Variants in RPS20 observed in about 807,000 individuals in gnomAD.
The protein encoded by RPS20 is ribosomal protein S20, also known as small ribosomal subunit protein uS10.
Under a neutral mutation model 15.3 loss-of-function variants are expected in RPS20, and 3 were observed. The ratio of observed to expected loss-of-function variants is 0.20; its 90% CI spans 0.09 to 0.51. The LOEUF (loss-of-function observed/expected upper bound fraction) is 0.51, where lower values mean the gene tolerates loss of function less well. RPS20 is among the 20% of genes least tolerant of loss of function. The pLI, the probability that RPS20 is intolerant of heterozygous loss-of-function variation, is 0.96. For synonymous variants in RPS20, 62 were observed against 47.8 expected, an observed-to-expected ratio of 1.30 and a Z score of -1.23; for missense variants, 67 against 145.9, an observed-to-expected ratio of 0.46 and a Z score of 2.79.
chr8:56,070,365 T>G (rs1340614410), downstream of RPS20, among the ~76,000 whole-genome samples: 1 of 152,188 alleles, frequency 6.6e-6, no homozygotes, highest in Non-Finnish European at 1.5e-5. Flanking sequence ...GGCTAGAGAT[T>G]CTACTTCTGT....
intron 2 of RPS20, 130 bp from the exon 3 acceptor site, chr8:56,073,898 G>T: frequency 1.8e-6 from 2 of 1,085,696 alleles, no homozygotes; most frequent in South Asian, 1.2e-5. Context: ...CCTCCTCATC[G>T]CCAGCTGTAT....
downstream of RPS20, among the ~76,000 whole-genome samples, chr8:56,071,162 T>A (rs1328611579): frequency 1.7e-4 from 26 of 152,378 alleles, no homozygotes; most frequent in Non-Finnish European, 1.5e-5. Flanking sequence ...TGTTCACAAT[T>A]CCGTGAAAGC....
intron 1 of RPS20, 75 bp from the exon 2 acceptor site, chr8:56,074,234 A>T: frequency 6.5e-7 from 1 of 1,538,620 alleles, no homozygotes; most frequent in Non-Finnish European, 8.9e-7. Flanking sequence ...AGCTTCCGGA[A>T]GCTTCCCGCG....
chr8:56,072,406 ACCAGGCTTG>A (rs1809789606), downstream of RPS20, among the ~76,000 whole-genome samples: 1 of 151,660 alleles, frequency 6.6e-6, no homozygotes, highest in African/African-American at 2.4e-5. Flanking sequence ...TAAAAAATTA[ACCAGGCTTG>A]GTCGCAGGCA....
chr8:56,072,547 G>GT (rs1185558741), downstream of RPS20, among the ~76,000 whole-genome samples: 2 of 135,194 alleles, frequency 1.5e-5, no homozygotes, highest in African/African-American at 3.0e-5. Flanking sequence ...GCAAAACGCC[G>GT]TCCCCCCCCC....
chr8:56,069,210 T>C (rs1031731833), downstream of RPS20, among the ~76,000 whole-genome samples: 1 of 152,084 alleles, frequency 6.6e-6, no homozygotes, highest in African/African-American at 2.4e-5. Context: ...TTAAAGGAAA[T>C]AAGGATTGAT....
exon 6 of RPS20, chr8:56,067,685 GA>G (rs374091971): frequency 0.29 from 39,412 of 136,256 alleles, 5,502 homozygotes; most frequent in Middle Eastern, 0.37. Flanking sequence ...GACTCCGTCT[GA>G]AAAAAAAAAA....
chr8:56,073,579 T>C (rs1323496074), intron 3 of RPS20, 116 bp downstream of exon 3: 2 of 821,904 alleles, frequency 2.4e-6, no homozygotes, highest in East Asian at 2.4e-5. Flanking sequence ...GATTTCTATG[T>C]GCGTTTGTAG....
downstream of RPS20, chr8:56,068,532 T>TTAAA (rs1554524048): frequency 1.4e-5 from 1 of 73,000 alleles, no homozygotes; most frequent in Non-Finnish European, 2.6e-5. Flanking sequence ...AGAAAGACTC[T>TTAAA]AAAAAAAAAA....
downstream of RPS20, chr8:56,069,955 G>A (rs1809707208): frequency 1.5e-6 from 1 of 669,002 alleles, no homozygotes; most frequent in Middle Eastern, 3.7e-4. Context: ...ATTGTATTAG[G>A]TATTACAAGT....
chr8:56,072,957 T>G (rs1348202883), downstream of RPS20: 4 of 1,433,738 alleles, frequency 2.8e-6, no homozygotes, highest in Non-Finnish European at 9.1e-7. Context: ...TAGACCACTC[T>G]AAGATACCCA....
downstream of RPS20, among the ~76,000 whole-genome samples, chr8:56,072,134 G>C (rs561723711): frequency 6.1e-4 from 93 of 152,066 alleles, no homozygotes; most frequent in South Asian, 4.8e-3. Context: ...CCAGCTACTA[G>C]GCAGTTTGAG....
downstream of RPS20, among the ~76,000 whole-genome samples, chr8:56,070,715 C>T (rs916335942): frequency 8.9e-5 from 13 of 146,872 alleles, 1 homozygote; most frequent in East Asian, 7.9e-4. Context: ...GGTGACACAG[C>T]GAGACTGTTT....
In RPS20 at chr8:56,074,171, TACATGAAAA is replaced by T. The variant is rs1286125475; in HGVS notation, c.4-21_4-13del. On this transcript the variant is annotated splice_polypyrimidine_tract_variant and intron_variant, in intron 1 of 3. Coordinates refer to ENST00000009589, the MANE Select transcript of RPS20 (RefSeq NM_001023.4). ...GTATCCTTAAAAGCCTATTATTAGA[TACATGAAAA>T]AGAACAATAAGCCAAAAATGGTCTG... is the stretch of plus-strand genomic sequence containing the variant. 6.2e-7 allele frequency: 1 copy of T among 1,605,536 alleles called. No individual in the cohort carries two copies. The highest frequency in any genetic ancestry group is 8.5e-7 in the Non-Finnish European group (1 of 1,176,472).
chr8:56,072,468 C>T (rs1157364702), downstream of RPS20, among the ~76,000 whole-genome samples: 1 of 150,148 alleles, frequency 6.7e-6, no homozygotes, highest in Non-Finnish European at 1.5e-5. Flanking sequence ...AGGAGAATTG[C>T]TTGAACCTGG....
At chr8:56,069,145 C>G (rs1585718361), downstream of RPS20, among the ~76,000 whole-genome samples, 1 of 152,080 alleles carries the variant, frequency 6.6e-6, no homozygotes, top group South Asian at 2.1e-4. Context: ...ATAGAAGGAT[C>G]TGGTTCTCTA....
At position 56,074,020 on chromosome 8, in the gene RPS20, G is replaced by A. The variant is rs765603982; in HGVS notation, c.103+40C>T. 9 of 1,493,058 alleles carry A rather than the reference G, an allele frequency of 6.0e-6. No homozygotes were observed. The Admixed American group carries it at 6.7e-5, about 11-fold the overall frequency. 92.5% of individuals were successfully genotyped at this position (1,493,058 alleles called of 1,614,324 possible). The stretch of plus-strand genomic sequence containing the variant: ...TAACGAGTAAAGCTCGTCGCTTTTC[G>A]CCCAATTCCCCCTCCCCCCCGCATA... On this transcript the variant is annotated intron_variant, in intron 2 of 3. Coordinates refer to ENST00000009589, the MANE Select transcript of RPS20 (RefSeq NM_001023.4).
intron 2 of RPS20, 57 bp from the exon 3 acceptor site, chr8:56,073,825 C>T (rs1307963753): frequency 2.7e-6 from 4 of 1,476,686 alleles, no homozygotes; most frequent in African/African-American, 2.8e-5. Context: ...CGGCTTAAGG[C>T]CTTCACTTCT....
rs1809873952 is a variant in RPS20 at position 56,074,410 on chromosome 8, G to A, written c.-27C>T. 3 of 1,555,508 alleles carry A rather than the reference G, an allele frequency of 1.9e-6. No individual in the cohort carries two copies. The highest frequency in any genetic ancestry group is 4.7e-5 in the East Asian group (2 of 42,216). ...GCTGTTGCGCGCGGGCTTCCTGACC[G>A]ACTTGTTCCTCGGCGAGAGCGAACA... On this transcript the variant is annotated 5_prime_UTR_variant, in exon 1 of 4. Coordinates refer to ENST00000009589, the MANE Select transcript of RPS20 (RefSeq NM_001023.4).
Sources: allele counts gnomAD v4.1 joint callset (sites outside exome capture counted in the v4.1 genomes callset), GRCh38; gene constraint gnomAD v4.1.1; transcripts MANE v1.5; gene names NCBI Gene and HGNC (gene_info 2026-07-23, HGNC 2026-07-21).